CACNA2D3: variants seen among roughly 807,000 people sequenced by gnomAD.
The protein encoded by CACNA2D3 is voltage-dependent calcium channel subunit alpha-2/delta-3.
Under a neutral mutation model 160.6 loss-of-function variants are expected in CACNA2D3, and 60 were observed. That is an observed-to-expected ratio of 0.37 (90% CI 0.30 to 0.46). CACNA2D3 has a LOEUF of 0.46. Ranked by LOEUF, CACNA2D3 falls within the 20% of genes least tolerant of loss-of-function variation. CACNA2D3 has a pLI of 1.00. For synonymous variants in CACNA2D3, 558 were observed against 492.9 expected (o/e 1.13, Z -1.75); for missense variants, 1,205 against 1,365.0 (o/e 0.88, Z 1.85).
At chr3:55,017,644 CCTA>C (rs1303682407) in intron 34 of CACNA2D3, among the ~76,000 whole-genome samples, 1 of 152,160 alleles carries the variant, frequency 6.6e-6, no homozygotes, top group Non-Finnish European at 1.5e-5. Flanking sequence ...CTACCGAGTG[CCTA>C]CTATGTGCTC....
intron 6 of CACNA2D3, among the ~76,000 whole-genome samples, chr3:54,566,262 C>T (rs1007938877): frequency 6.6e-6 from 1 of 152,214 alleles, no homozygotes; most frequent in Admixed American, 6.5e-5. Context: ...ACCCCACTGC[C>T]CACCATGTCC....
chr3:54,447,638 C>T (rs1175022679), intron 4 of CACNA2D3, among the ~76,000 whole-genome samples: 3 of 152,218 alleles, frequency 2.0e-5, no homozygotes, highest in Non-Finnish European at 2.9e-5. Flanking sequence ...TGCTGACATT[C>T]AGGCAGGGAC....
At chr3:54,672,929 T>G (rs1700185414) in intron 11 of CACNA2D3, among the ~76,000 whole-genome samples, 2 of 152,232 alleles carry the variant, frequency 1.3e-5, no homozygotes, top group African/African-American at 4.8e-5. Context: ...GATGACATTG[T>G]TACTTTAGAA....
intron 35 of CACNA2D3, among the ~76,000 whole-genome samples, chr3:55,021,723 A>G (rs1703460523): frequency 6.7e-6 from 1 of 148,656 alleles, no homozygotes. Flanking sequence ...GTGTATATAT[A>G]TATATATAGC....
intron 4 of CACNA2D3, among the ~76,000 whole-genome samples, chr3:54,431,220 C>T (rs1381866624): frequency 6.6e-6 from 1 of 151,586 alleles, no homozygotes; most frequent in Admixed American, 6.6e-5. Context: ...GCCTGTAATC[C>T]CAGCTACTCA....
chr3:54,278,240 A>C (rs1290600038), intron 2 of CACNA2D3, among the ~76,000 whole-genome samples: 1 of 152,234 alleles, frequency 6.6e-6, no homozygotes, highest in Non-Finnish European at 1.5e-5. Flanking sequence ...TATGAAAAAA[A>C]GCTCATCATC....
chr3:54,318,075 A>G (rs1184039451), intron 2 of CACNA2D3, among the ~76,000 whole-genome samples: 1 of 152,100 alleles, frequency 6.6e-6, no homozygotes, highest in African/African-American at 2.4e-5. Flanking sequence ...CCTTCCTTCC[A>G]TCTTCCTTGC....
chr3:54,788,132 A>T (rs577785329), intron 13 of CACNA2D3, among the ~76,000 whole-genome samples: 1 of 152,172 alleles, frequency 6.6e-6, no homozygotes, highest in Admixed American at 6.5e-5. Context: ...GTATTCTGTG[A>T]CTTCATATTT....
At chr3:54,590,680 C>G (rs1450056495) in intron 9 of CACNA2D3, among the ~76,000 whole-genome samples, 1 of 151,894 alleles carries the variant, frequency 6.6e-6, no homozygotes, top group Non-Finnish European at 1.5e-5. Context: ...CTCCTGGGCT[C>G]AAGTGATCCT....
At chr3:54,177,299 T>A (rs1012822120) in intron 2 of CACNA2D3, among the ~76,000 whole-genome samples, 10 of 152,090 alleles carry the variant, frequency 6.6e-5, no homozygotes, top group African/African-American at 2.4e-4. Flanking sequence ...AAATTCCGGG[T>A]TTTTTATCTG....
intron 9 of CACNA2D3, among the ~76,000 whole-genome samples, chr3:54,610,072 A>C (rs1698718168): frequency 6.6e-6 from 1 of 152,046 alleles, no homozygotes; most frequent in African/African-American, 2.4e-5. Context: ...GCATCACTCC[A>C]GTCTCTGCCT....
chr3:54,531,228 A>G (rs1297953914), intron 5 of CACNA2D3, among the ~76,000 whole-genome samples: 2 of 152,230 alleles, frequency 1.3e-5, no homozygotes, highest in African/African-American at 2.4e-5. Context: ...GGATTTTTAC[A>G]TACCTACTGA....
At chr3:55,032,089 T>A (rs1203394132) in intron 35 of CACNA2D3, among the ~76,000 whole-genome samples, 1 of 152,214 alleles carries the variant, frequency 6.6e-6, no homozygotes, top group Non-Finnish European at 1.5e-5. Flanking sequence ...TCCACATTTA[T>A]TGTTTTTTCC....
chr3:54,514,302 A>C (rs1405701345), intron 5 of CACNA2D3, among the ~76,000 whole-genome samples: 2 of 152,328 alleles, frequency 1.3e-5, no homozygotes, highest in South Asian at 2.1e-4. Context: ...GTGAGTAAGG[A>C]GGTGATGATG....
chr3:54,293,746 G>T (rs1294398899), intron 2 of CACNA2D3, among the ~76,000 whole-genome samples: 1 of 152,184 alleles, frequency 6.6e-6, no homozygotes. Flanking sequence ...GGAAGAGGCA[G>T]ATCTGTTAGG....
intron 35 of CACNA2D3, among the ~76,000 whole-genome samples, chr3:55,073,157 G>A (rs1344670093): frequency 3.9e-5 from 6 of 152,132 alleles, no homozygotes; most frequent in Non-Finnish European, 8.8e-5. Context: ...GGGAACAGGT[G>A]ATTCAGCCAA....
intron 3 of CACNA2D3, among the ~76,000 whole-genome samples, chr3:54,340,884 C>T (rs1198317796): frequency 6.6e-6 from 1 of 152,220 alleles, no homozygotes. Context: ...AGGGTCCCCA[C>T]ACTCCTCACC....
chr3:54,570,039 G>A lies in CACNA2D3; in HGVS notation c.823G>A (p.Ala275Thr), dbSNP rs1471047657. 5 of 1,613,860 alleles carry A rather than the reference G, an allele frequency of 3.1e-6. No homozygotes were observed. The highest frequency in any genetic ancestry group is 1.7e-5 in the Admixed American group (1 of 60,002). Residue 275 changes from alanine to threonine, a missense_variant, in exon 8 of 38, where the codon GCG becomes ACG. Ala to Thr is a moderately conservative substitution (Grantham distance 58). This residue lies in a region of CACNA2D3 where 131 missense variants were observed against 201.5 expected (regional missense o/e 0.65). Coordinates refer to ENST00000474759, the MANE Select transcript of CACNA2D3 (RefSeq NM_018398.3). The stretch of plus-strand genomic sequence containing the variant: ...CATGAAAGGACTCCGTCTGACTATC[G>A]CGAAGCAAACAGTCTCATCCATTTT... The part of the protein sequence containing the change: ...GSMKGLRLTI[A>T]KQTVSSILDT...
intron 25 of CACNA2D3, chr3:54,894,770 G>A (rs913009492): frequency 4.6e-6 from 2 of 431,248 alleles, no homozygotes; most frequent in Non-Finnish European, 9.4e-6. Flanking sequence ...CGAAAGAAAT[G>A]AAAAGGCTAA....
Sources: allele counts gnomAD v4.1 joint callset (sites outside exome capture counted in the v4.1 genomes callset), GRCh38; gene constraint gnomAD v4.1.1; regional missense constraint gnomAD v4.1.1; transcripts MANE v1.5; gene names NCBI Gene and HGNC (gene_info 2026-07-23, HGNC 2026-07-21).